The following DTWD2 variants were observed in gnomAD, a reference collection of about 807,000 sequenced individuals.
DTWD2 encodes DTW motif tRNA-uridine aminocarboxypropyltransferase 2, also known as tRNA-uridine aminocarboxypropyltransferase 2.
In DTWD2, 39 loss-of-function variants were observed where a neutral mutation model predicts 31.8. That is an observed-to-expected ratio of 1.22 (90% CI 0.95 to 1.60). The LOEUF (loss-of-function observed/expected upper bound fraction) is 1.60, where lower values mean the gene tolerates loss of function less well. Among genes scored for constraint, DTWD2 ranks in the 40% most tolerant of loss-of-function variants. DTWD2 has a pLI of 0.00. For missense variants in DTWD2, 515 were observed against 381.5 expected (o/e 1.35, Z -2.92); for synonymous variants, 180 against 142.8 (o/e 1.26, Z -1.86).
chr5:118,847,607 G>A (rs1580763152), intron 5 of DTWD2, among the ~76,000 whole-genome samples: 2 of 135,632 alleles, frequency 1.5e-5, no homozygotes, highest in African/African-American at 6.2e-5. Context: ...TATTCTCTAG[G>A]CATTTTTTTT....
chr5:118,851,111 G>A (rs989980452), intron 4 of DTWD2, among the ~76,000 whole-genome samples: 1 of 151,162 alleles, frequency 6.6e-6, no homozygotes, highest in Non-Finnish European at 1.5e-5. Context: ...GCTGGGCATG[G>A]TGGTACACAT....
intron 4 of DTWD2, among the ~76,000 whole-genome samples, chr5:118,921,521 T>TAAA (rs533019780): frequency 7.6e-6 from 1 of 131,308 alleles, no homozygotes; most frequent in Admixed American, 7.8e-5. Context: ...CCCCATCTCT[T>TAAA]AAAAAAAAAA....
In DTWD2 at chr5:118,840,813, T is replaced by G; in HGVS notation, c.*104A>C. 1 of 1,230,890 alleles carries G rather than the reference T, an allele frequency of 8.1e-7. No homozygotes were observed. The highest frequency in any genetic ancestry group is 1.1e-6 in the Non-Finnish European group (1 of 934,086). The allele number at this position is 1,230,890 out of a possible 1,614,324, so 76.2% of individuals were successfully genotyped here. A position where few individuals can be genotyped will look rare whatever the true frequency, so the allele number is the denominator to read the frequency against. On this transcript the variant is annotated 3_prime_UTR_variant, in exon 6 of 6. Coordinates refer to ENST00000510708, the MANE Select transcript of DTWD2 (RefSeq NM_173666.4). ...TCTGGGTAAGATTAGTATGCAATTC[T>G]CCTTCTTTAGCAAGTCAAAAACCTA...
chr5:118,855,003 A>G (rs1752097028), intron 4 of DTWD2, among the ~76,000 whole-genome samples: 1 of 151,692 alleles, frequency 6.6e-6, no homozygotes, highest in Non-Finnish European at 1.5e-5. Context: ...GCCAGTGCCC[A>G]GGTATTAGCC....
chr5:118,957,860 C>T (rs1164591503), intron 1 of DTWD2, among the ~76,000 whole-genome samples: 3 of 152,180 alleles, frequency 2.0e-5, no homozygotes, highest in Non-Finnish European at 4.4e-5. Context: ...CTCCATTATA[C>T]TATCATTACT....
chr5:118,937,102 C>G (rs1369489561), intron 3 of DTWD2, among the ~76,000 whole-genome samples: 3 of 151,870 alleles, frequency 2.0e-5, no homozygotes, highest in African/African-American at 4.8e-5. Flanking sequence ...AAAACCTTCC[C>G]ACAAATTATA....
At chr5:118,952,488 G>A (rs1224246753) in intron 1 of DTWD2, among the ~76,000 whole-genome samples, 1 of 152,136 alleles carries the variant, frequency 6.6e-6, no homozygotes, top group Admixed American at 6.5e-5. Flanking sequence ...GGGGTCATGA[G>A]GTGCTCAGTG....
intron 1 of DTWD2, chr5:118,973,868 G>C (rs571630094): frequency 6.2e-7 from 1 of 1,611,828 alleles, no homozygotes; most frequent in Admixed American, 1.7e-5. Flanking sequence ...GGAAGTTGTG[G>C]AAGAGGCAGA....
rs963807684 is a variant in DTWD2 at position 118,836,274 on chromosome 5, T to C, written c.*4643A>G. Reference sequence around the variant, plus strand: ...TTATTTATTTGAGACACTGTCTCACTCTGTCGCCCAGGCTAGAGTGCAGTG... The same window carrying C: ...TTATTTATTTGAGACACTGTCTCACCCTGTCGCCCAGGCTAGAGTGCAGTG... On this transcript the variant is annotated 3_prime_UTR_variant, in exon 6 of 6. Coordinates refer to ENST00000510708, the MANE Select transcript of DTWD2 (RefSeq NM_173666.4). 1.3e-5 allele frequency among the ~76,000 whole-genome samples: 2 copies of C among 152,204 alleles called. No individual in the cohort carries two copies. The highest frequency in any genetic ancestry group is 4.8e-5 in the African/African-American group (2 of 41,434).
intron 4 of DTWD2, among the ~76,000 whole-genome samples, chr5:118,927,510 GTA>G (rs1337370778): frequency 6.6e-6 from 1 of 151,968 alleles, no homozygotes; most frequent in African/African-American, 2.4e-5. Flanking sequence ...AAACGTTTGT[GTA>G]TGTGTGTGTG....
intron 4 of DTWD2, among the ~76,000 whole-genome samples, chr5:118,856,456 T>A (rs988545737): frequency 6.6e-6 from 1 of 152,162 alleles, no homozygotes; most frequent in African/African-American, 2.4e-5. Context: ...GTAATAAAAA[T>A]TAACCTATCT....
intron 4 of DTWD2, among the ~76,000 whole-genome samples, chr5:118,871,759 T>A (rs888632457): frequency 2.6e-5 from 4 of 152,016 alleles, no homozygotes; most frequent in African/African-American, 9.7e-5. Flanking sequence ...GGACCTTAGG[T>A]TTTTCAGAAT....
chr5:118,845,235 C>G (rs999963392), intron 5 of DTWD2, among the ~76,000 whole-genome samples: 1 of 152,096 alleles, frequency 6.6e-6, no homozygotes, highest in Non-Finnish European at 1.5e-5. Flanking sequence ...TATTCTCCCC[C>G]ACCATCTTAA....
chr5:118,911,859 A>G (rs887926123), intron 4 of DTWD2, among the ~76,000 whole-genome samples: 1 of 152,236 alleles, frequency 6.6e-6, no homozygotes, highest in Non-Finnish European at 1.5e-5. Context: ...GATGGCCATC[A>G]GCAACTCCAA....
chr5:118,903,399 CCTT>C (rs1753259366), intron 4 of DTWD2, among the ~76,000 whole-genome samples: 2 of 151,942 alleles, frequency 1.3e-5, no homozygotes. Context: ...TAATAAATAA[CCTT>C]CTTCACATAG....
At chr5:118,872,941 A>C (rs778856277) in intron 4 of DTWD2, among the ~76,000 whole-genome samples, 26 of 152,158 alleles carry the variant, frequency 1.7e-4, no homozygotes, top group Non-Finnish European at 2.9e-5. Context: ...CCGAGAGTGA[A>C]TGGAGGGAAG....
At chr5:118,923,410 T>A (rs1242902030) in intron 4 of DTWD2, among the ~76,000 whole-genome samples, 1 of 152,024 alleles carries the variant, frequency 6.6e-6, no homozygotes, top group Non-Finnish European at 1.5e-5. Context: ...AGAGACAAAA[T>A]GGCGAAATAT....
intron 2 of DTWD2, among the ~76,000 whole-genome samples, chr5:118,941,682 G>C (rs1173773262): frequency 6.6e-6 from 1 of 152,112 alleles, no homozygotes; most frequent in Non-Finnish European, 1.5e-5. Context: ...ATATTCCTTT[G>C]GGTATACACC....
intron 4 of DTWD2, among the ~76,000 whole-genome samples, chr5:118,925,218 A>G (rs1357896522): frequency 6.6e-6 from 1 of 152,258 alleles, no homozygotes; most frequent in Non-Finnish European, 1.5e-5. Context: ...AAAATACATA[A>G]GCACTAAAGC....
Sources: allele counts gnomAD v4.1 joint callset (sites outside exome capture counted in the v4.1 genomes callset), GRCh38; gene constraint gnomAD v4.1.1; transcripts MANE v1.5; gene names NCBI Gene and HGNC (gene_info 2026-07-23, HGNC 2026-07-21).